TENM3: variants seen among roughly 807,000 people sequenced by gnomAD.
TENM3 encodes teneurin transmembrane protein 3.
TENM3 carries 63 observed loss-of-function variants against 255.1 expected under a neutral mutation model. That is an observed-to-expected ratio of 0.25 (90% CI 0.20 to 0.30). TENM3 has a LOEUF of 0.30. Ranked by LOEUF, TENM3 falls within the 10% of genes least tolerant of loss-of-function variation. The pLI is 1.00. For synonymous variants in TENM3, 1,306 were observed against 1,322.3 expected (o/e 0.99, Z 0.27); for missense variants, 2,929 against 3,461.1 (o/e 0.85, Z 3.86).
chr4:181,641,647 A>AT, the TENM3 span, among the ~76,000 whole-genome samples: 3 of 83,604 alleles, frequency 3.6e-5, no homozygotes, highest in Non-Finnish European at 6.4e-5. Flanking sequence ...TATAATGGAA[A>AT]ATATATATAT....
the TENM3 span, among the ~76,000 whole-genome samples, chr4:181,695,749 TTAAGCAGAGC>T: frequency 6.6e-6 from 1 of 152,202 alleles, no homozygotes; most frequent in Non-Finnish European, 1.5e-5. Context: ...AAGTACTTCG[TTAAGCAGAGC>T]CGGTTAACTT....
At chr4:181,462,976 A>G in the TENM3 span, among the ~76,000 whole-genome samples, 2 of 152,232 alleles carry the variant, frequency 1.3e-5, no homozygotes, top group African/African-American at 4.8e-5. Context: ...CTCCACAGCA[A>G]ACGAACAGCT....
rs1016918213 is a variant in TENM3, at chr4:182,482,911, G to A, written c.512-118013G>A. On this transcript the variant is annotated intron_variant, in intron 3 of 27. Transcript: ENST00000511685. ...ACCTTCAATATATGAATTAATTTTG[G>A]ATTTCAGATTCCTTTTAGATTTGTT... is the stretch of plus-strand genomic sequence containing the variant. Among the ~76,000 whole-genome samples the A allele has an allele frequency of 3.9e-5, 6 of 152,068 alleles. No individual in the cohort carries two copies. In the East Asian group the frequency reaches 1.2e-3, roughly 29 times the overall value.
chr4:181,826,998 C>A, the TENM3 span, among the ~76,000 whole-genome samples: 1 of 152,140 alleles, frequency 6.6e-6, no homozygotes, highest in Non-Finnish European at 1.5e-5. Context: ...GGAGGCTATG[C>A]TCTGATTTCA....
chr4:181,941,206 A>C, the TENM3 span, among the ~76,000 whole-genome samples: 1 of 152,228 alleles, frequency 6.6e-6, no homozygotes. Context: ...CACTTCTATA[A>C]TCTGAAAACT....
intron 1 of TENM3, among the ~76,000 whole-genome samples, chr4:182,189,237 A>C (rs1253206103): frequency 1.3e-5 from 2 of 152,024 alleles, no homozygotes; most frequent in African/African-American, 4.8e-5. Flanking sequence ...CCGGTGCTGG[A>C]AGACTATGTA....
the TENM3 span, among the ~76,000 whole-genome samples, chr4:181,528,014 A>AG: frequency 5.9e-5 from 9 of 152,052 alleles, no homozygotes; most frequent in Non-Finnish European, 1.0e-4. Context: ...ATTTTTTAAA[A>AG]GGGGGGGTTA....
intron 4 of TENM3, among the ~76,000 whole-genome samples, chr4:182,618,119 T>TCC (rs1749721018): frequency 6.6e-6 from 1 of 152,204 alleles, no homozygotes; most frequent in Admixed American, 6.5e-5. Context: ...GCTTATGAAG[T>TCC]TAATCTAATT....
intron 2 of TENM3, among the ~76,000 whole-genome samples, chr4:182,335,318 A>ACCC (rs1392946302): frequency 1.4e-4 from 7 of 49,296 alleles, no homozygotes; most frequent in African/African-American, 4.8e-4. Context: ...GAATGGTGAA[A>ACCC]CCCCGTCTCT....
chr4:182,038,882 C>T, the TENM3 span, among the ~76,000 whole-genome samples: 5 of 151,924 alleles, frequency 3.3e-5, no homozygotes, highest in Non-Finnish European at 7.4e-5. Context: ...TATAGGCGCC[C>T]GCCACCATGC....
At chr4:181,477,143 C>A in the TENM3 span, among the ~76,000 whole-genome samples, 1 of 152,124 alleles carries the variant, frequency 6.6e-6, no homozygotes, top group African/African-American at 2.4e-5. Context: ...TTATCAAGTT[C>A]TACTCAGCGC....
At chr4:181,945,872 A>G in the TENM3 span, among the ~76,000 whole-genome samples, 1 of 152,066 alleles carries the variant, frequency 6.6e-6, no homozygotes, top group Admixed American at 6.6e-5. Flanking sequence ...CACTCACACA[A>G]GCACACGTGC....
intron 12 of TENM3, among the ~76,000 whole-genome samples, chr4:182,701,210 CTTTTTTTTTTTT>C (rs35538818): frequency 2.3e-4 from 9 of 38,644 alleles, no homozygotes; most frequent in African/African-American, 7.2e-4. Flanking sequence ...CAACTCTTGA[CTTTTTTTTTTTT>C]TTTTTTTTTT....
the TENM3 span, among the ~76,000 whole-genome samples, chr4:181,448,157 T>A: frequency 0.023 from 65 of 2,796 alleles, no homozygotes; most frequent in Middle Eastern, 0.5. Flanking sequence ...TCCAGTAATT[T>A]TTTTTTTTTT....
intron 1 of TENM3, among the ~76,000 whole-genome samples, chr4:182,310,552 C>A (rs1254373273): frequency 1.3e-5 from 2 of 152,148 alleles, no homozygotes; most frequent in African/African-American, 4.8e-5. Context: ...CCAGGACTGA[C>A]CTCATTGGTC....
intron 3 of TENM3, among the ~76,000 whole-genome samples, chr4:182,424,235 C>A (rs1230669057): frequency 6.6e-6 from 1 of 151,996 alleles, no homozygotes; most frequent in East Asian, 1.9e-4. Flanking sequence ...TTAAAATTAG[C>A]AATTCAACTA....
At chr4:182,382,146 G>A (rs1302705415) in intron 3 of TENM3, among the ~76,000 whole-genome samples, 3 of 152,130 alleles carry the variant, frequency 2.0e-5, no homozygotes, top group African/African-American at 7.2e-5. Context: ...GGATGTTATC[G>A]CTAAAGATAA....
At chr4:182,397,477 A>T (rs1306645811) in intron 3 of TENM3, among the ~76,000 whole-genome samples, 2 of 150,444 alleles carry the variant, frequency 1.3e-5, no homozygotes, top group African/African-American at 2.4e-5. Flanking sequence ...ATGAATGGAG[A>T]GTCTAGGAGG....
At chr4:182,322,031 G>T (rs28562499) in intron 1 of TENM3, among the ~76,000 whole-genome samples, 20,910 of 151,904 alleles carry the variant, frequency 0.14, 1,877 homozygotes, top group African/African-American at 0.26. Flanking sequence ...TTAATCCTTT[G>T]GTATAAAAAT....
Sources: gnomAD v4.1 joint callset for allele counts (sites outside exome capture counted in the v4.1 genomes callset) on GRCh38, gnomAD v4.1.1 for gene constraint, MANE v1.5 for transcripts, NCBI Gene and HGNC (gene_info 2026-07-23, HGNC 2026-07-21) for gene names.